HIBADH: variants seen among roughly 807,000 people sequenced by gnomAD.
The protein encoded by HIBADH is 3-hydroxyisobutyrate dehydrogenase, mitochondrial.
In HIBADH, 25 loss-of-function variants were observed where a neutral mutation model predicts 36.1. That is an observed-to-expected ratio of 0.69 (90% CI 0.50 to 0.97). The LOEUF (loss-of-function observed/expected upper bound fraction) is 0.97, where lower values mean the gene tolerates loss of function less well. Among genes scored for constraint, HIBADH ranks in the 50% least tolerant of loss-of-function variants. The pLI, the probability that HIBADH is intolerant of heterozygous loss-of-function variation, is 0.00. For missense variants in HIBADH, 421 were observed against 418.0 expected, an observed-to-expected ratio of 1.01 and a Z score of -0.06; for synonymous variants, 160 against 149.5, an observed-to-expected ratio of 1.07 and a Z score of -0.51.
intron 2 of HIBADH, among the ~76,000 whole-genome samples, chr7:27,643,684 AAAC>A (rs1411095411): frequency 6.6e-6 from 1 of 152,218 alleles, no homozygotes; most frequent in African/African-American, 2.4e-5. Context: ...CCGTCGCTTA[AAAC>A]AACAGAAATT....
chr7:27,589,852 C>G (rs1265595464), intron 4 of HIBADH, among the ~76,000 whole-genome samples: 6 of 152,116 alleles, frequency 3.9e-5, no homozygotes, highest in Admixed American at 3.9e-4. Flanking sequence ...AGTAAGTGAC[C>G]TACATTGGAG....
chr7:27,603,400 C>CTCTAT (rs1785165227), intron 4 of HIBADH, among the ~76,000 whole-genome samples: 1 of 151,984 alleles, frequency 6.6e-6, no homozygotes, highest in African/African-American at 2.4e-5. Flanking sequence ...TCTATCTCTA[C>CTCTAT]AATCTTTATG....
At chr7:27,633,918 C>T (rs7806415) in intron 2 of HIBADH, among the ~76,000 whole-genome samples, 120,524 of 152,154 alleles carry the variant, frequency 0.79, 48,110 homozygotes, top group East Asian at 0.97. Context: ...TTTCATGTGG[C>T]AGAAGTTTAC....
intron 4 of HIBADH, among the ~76,000 whole-genome samples, chr7:27,622,056 A>G (rs1785554478): frequency 6.6e-6 from 1 of 152,076 alleles, no homozygotes; most frequent in Non-Finnish European, 1.5e-5. Context: ...GGAGTTCAAG[A>G]CTAGACTGGG....
At chr7:27,661,047 G>A (rs1786406162) in intron 1 of HIBADH, among the ~76,000 whole-genome samples, 1 of 152,196 alleles carries the variant, frequency 6.6e-6, no homozygotes, top group Non-Finnish European at 1.5e-5. Context: ...GAAAACTGGT[G>A]CTACTGTGGA....
At chr7:27,662,608 G>C (rs1178719348) in intron 1 of HIBADH, 90 bp downstream of exon 1, 2 of 790,846 alleles carry the variant, frequency 2.5e-6, no homozygotes, top group Non-Finnish European at 3.5e-6. Flanking sequence ...CAACCGCAGG[G>C]CCTCCCGAGA....
chr7:27,605,586 C>CAAAAA (rs70994666), intron 4 of HIBADH, among the ~76,000 whole-genome samples: 5 of 33,590 alleles, frequency 1.5e-4, no homozygotes, highest in Non-Finnish European at 2.0e-4. Context: ...TTTAGACAAG[C>CAAAAA]AAAAAAAAAA....
At chr7:27,660,898 T>C (rs1018606708) in intron 1 of HIBADH, among the ~76,000 whole-genome samples, 2 of 152,152 alleles carry the variant, frequency 1.3e-5, no homozygotes, top group African/African-American at 4.8e-5. Flanking sequence ...TCTTTCACCA[T>C]GAATTGGTAA....
intron 2 of HIBADH, 133 bp downstream of exon 2, chr7:27,649,340 C>T: frequency 1.6e-6 from 1 of 608,874 alleles, no homozygotes; most frequent in Non-Finnish European, 2.6e-6. Context: ...TGAATGATTA[C>T]ATATATATAA....
At chr7:27,545,495 A>T (rs1452743696) in intron 4 of HIBADH, among the ~76,000 whole-genome samples, 1 of 152,190 alleles carries the variant, frequency 6.6e-6, no homozygotes, top group Non-Finnish European at 1.5e-5. Flanking sequence ...TTTTGAACTT[A>T]GGAAAGAATA....
At chr7:27,658,009 C>A (rs1384605154) in intron 1 of HIBADH, among the ~76,000 whole-genome samples, 1 of 152,170 alleles carries the variant, frequency 6.6e-6, no homozygotes, top group Non-Finnish European at 1.5e-5. Flanking sequence ...CCTATGCCAA[C>A]TGCCCCTTTT....
intron 5 of HIBADH, among the ~76,000 whole-genome samples, chr7:27,539,746 T>C (rs1176688126): frequency 1.3e-5 from 2 of 152,150 alleles, no homozygotes; most frequent in African/African-American, 4.8e-5. Flanking sequence ...AAAACTTAAC[T>C]ACTAATAGCC....
chr7:27,605,356 T>C (rs1785200432), intron 4 of HIBADH, among the ~76,000 whole-genome samples: 1 of 151,848 alleles, frequency 6.6e-6, no homozygotes, highest in Non-Finnish European at 1.5e-5. Context: ...ATGAACTGCC[T>C]AATGAATCTC....
intron 4 of HIBADH, among the ~76,000 whole-genome samples, chr7:27,612,062 T>C (rs1785330133): frequency 6.6e-6 from 1 of 152,146 alleles, no homozygotes; most frequent in Non-Finnish European, 1.5e-5. Flanking sequence ...TATTCCTCTA[T>C]AAGTTTCAAG....
At chr7:27,657,188 G>A (rs1381298705) in intron 1 of HIBADH, among the ~76,000 whole-genome samples, 1 of 152,030 alleles carries the variant, frequency 6.6e-6, no homozygotes, top group African/African-American at 2.4e-5. Flanking sequence ...TGACAGCTGG[G>A]GAAAGGCACA....
At chr7:27,606,149 A>AAATT (rs1785224310) in intron 4 of HIBADH, among the ~76,000 whole-genome samples, 1 of 152,134 alleles carries the variant, frequency 6.6e-6, no homozygotes, top group Admixed American at 6.6e-5. Flanking sequence ...TTACTTTTTA[A>AAATT]AAGTTGAAAT....
At chr7:27,621,446 C>A (rs996784448) in intron 4 of HIBADH, among the ~76,000 whole-genome samples, 1 of 152,154 alleles carries the variant, frequency 6.6e-6, no homozygotes, top group Non-Finnish European at 1.5e-5. Context: ...ATGGAACATT[C>A]TCCAGAATAG....
intron 4 of HIBADH, among the ~76,000 whole-genome samples, chr7:27,563,900 CTTT>C (rs56869443): frequency 1.5e-5 from 2 of 133,498 alleles, no homozygotes; most frequent in African/African-American, 2.8e-5. Context: ...TGTTAATTTT[CTTT>C]TTTTTTTTTT....
intron 4 of HIBADH, among the ~76,000 whole-genome samples, chr7:27,617,349 T>A (rs961760666): frequency 6.6e-6 from 1 of 152,222 alleles, no homozygotes; most frequent in African/African-American, 2.4e-5. Context: ...GTACACTCTA[T>A]GATGTTAGAA....
Sources: allele counts gnomAD v4.1 joint callset (sites outside exome capture counted in the v4.1 genomes callset), GRCh38; gene constraint gnomAD v4.1.1; transcripts MANE v1.5; gene names NCBI Gene and HGNC (gene_info 2026-07-23, HGNC 2026-07-21).